TSPAN9: variants seen among roughly 807,000 people sequenced by gnomAD.
TSPAN9 encodes the protein tetraspanin 9.
Under a neutral mutation model 31.0 loss-of-function variants are expected in TSPAN9, and 16 were observed. The ratio of observed to expected loss-of-function variants is 0.52; its 90% CI spans 0.35 to 0.78. TSPAN9 has a LOEUF of 0.78. Among genes scored for constraint, TSPAN9 ranks in the 30% least tolerant of loss-of-function variants. TSPAN9 has a pLI of 0.01. For missense variants in TSPAN9, 272 were observed against 312.5 expected, an observed-to-expected ratio of 0.87 and a Z score of 0.98; for synonymous variants, 145 against 121.6, an observed-to-expected ratio of 1.19 and a Z score of -1.27.
intron 2 of TSPAN9, among the ~76,000 whole-genome samples, chr12:3,160,401 A>G (rs898724795): frequency 3.9e-5 from 6 of 152,254 alleles, no homozygotes; most frequent in Admixed American, 1.3e-4. Flanking sequence ...TAATGCTGCA[A>G]TGAACATTTG....
intron 2 of TSPAN9, among the ~76,000 whole-genome samples, chr12:3,157,987 C>T (rs1398654813): frequency 2.0e-5 from 3 of 152,180 alleles, no homozygotes; most frequent in African/African-American, 7.2e-5. Context: ...CTTTTCCACC[C>T]CTCCCTTTAT....
At chr12:3,220,995 T>TGGAGACTC (rs1363386930) in intron 3 of TSPAN9, among the ~76,000 whole-genome samples, 2 of 152,118 alleles carry the variant, frequency 1.3e-5, no homozygotes, top group Non-Finnish European at 1.5e-5. Context: ...GCTCGGTGAC[T>TGGAGACTC]GGAGAGCCCT....
intron 3 of TSPAN9, among the ~76,000 whole-genome samples, chr12:3,213,155 AG>A (rs983536987): frequency 6.6e-6 from 1 of 152,218 alleles, no homozygotes; most frequent in Non-Finnish European, 1.5e-5. Flanking sequence ...AGGGCATTAA[AG>A]AACGCCAGGT....
At chr12:3,119,043 A>G (rs911754736) in intron 2 of TSPAN9, among the ~76,000 whole-genome samples, 1 of 152,200 alleles carries the variant, frequency 6.6e-6, no homozygotes, top group African/African-American at 2.4e-5. Flanking sequence ...CTATCAGCAG[A>G]TGCAACCCCT....
chr12:3,081,808 T>TTA (rs1565568307), intron 1 of TSPAN9, among the ~76,000 whole-genome samples: 9 of 58,412 alleles, frequency 1.5e-4, no homozygotes, highest in African/African-American at 2.5e-4. Flanking sequence ...ATCTAAAAAA[T>TTA]TGTGTGTGTG....
intron 3 of TSPAN9, 111 bp from the exon 4 acceptor site, chr12:3,278,310 G>A: frequency 6.8e-7 from 1 of 1,459,942 alleles, no homozygotes; most frequent in Non-Finnish European, 9.3e-7. Context: ...CACCTTGTCG[G>A]TTCTCACTTT....
At chr12:3,109,293 TGTGTGTGAGAGAGA>T (rs1331753280) in intron 2 of TSPAN9, among the ~76,000 whole-genome samples, 1 of 117,092 alleles carries the variant, frequency 8.5e-6, no homozygotes, top group East Asian at 2.2e-4. Flanking sequence ...TGTGTGTGTG[TGTGTGTGAGAGAGA>T]GTGTGTGTGT....
chr12:3,116,021 A>G (rs1000218870), intron 2 of TSPAN9, among the ~76,000 whole-genome samples: 2 of 152,176 alleles, frequency 1.3e-5, no homozygotes, highest in Non-Finnish European at 2.9e-5. Context: ...TCTTAAGCGG[A>G]CACATTTCTG....
At chr12:3,105,816 A>G (rs568920510) in intron 2 of TSPAN9, among the ~76,000 whole-genome samples, 1 of 149,780 alleles carries the variant, frequency 6.7e-6, no homozygotes, top group Non-Finnish European at 1.5e-5. Context: ...GCACACACGC[A>G]CACGCGCACA....
chr12:3,237,255 A>C (rs951666737), intron 3 of TSPAN9, among the ~76,000 whole-genome samples: 1 of 152,134 alleles, frequency 6.6e-6, no homozygotes, highest in Non-Finnish European at 1.5e-5. Context: ...CAGCGGCTCT[A>C]TAGGAAGCCC....
chr12:3,253,492 T>C (rs1283626250), intron 3 of TSPAN9, among the ~76,000 whole-genome samples: 1 of 151,832 alleles, frequency 6.6e-6, no homozygotes, highest in Non-Finnish European at 1.5e-5. Flanking sequence ...GAGGATGCAG[T>C]GAGATAGTTG....
At chr12:3,111,261 C>T (rs1359989093) in intron 2 of TSPAN9, among the ~76,000 whole-genome samples, 4 of 152,210 alleles carry the variant, frequency 2.6e-5, no homozygotes, top group African/African-American at 9.7e-5. Context: ...TAACACTTCT[C>T]AGCTGCTCCA....
intron 3 of TSPAN9, among the ~76,000 whole-genome samples, chr12:3,276,296 T>C (rs1862785316): frequency 6.6e-6 from 1 of 152,214 alleles, no homozygotes; most frequent in South Asian, 2.1e-4. Context: ...AGTGAGATCA[T>C]GTCACTCTCC....
chr12:3,131,248 T>C (rs1270525550), intron 2 of TSPAN9, among the ~76,000 whole-genome samples: 1 of 108,718 alleles, frequency 9.2e-6, no homozygotes, highest in East Asian at 2.7e-4. Context: ...AATTGCAGTT[T>C]TTACCCAGGC....
chr12:3,264,086 G>C (rs1862500145), intron 3 of TSPAN9, among the ~76,000 whole-genome samples: 1 of 152,174 alleles, frequency 6.6e-6, no homozygotes, highest in African/African-American at 2.4e-5. Flanking sequence ...CAGAGCACTT[G>C]GGACCGTTAC....
intron 2 of TSPAN9, among the ~76,000 whole-genome samples, chr12:3,190,748 T>C (rs552074005): frequency 8.5e-5 from 13 of 152,340 alleles, no homozygotes; most frequent in African/African-American, 2.9e-4. Flanking sequence ...TAACTCTTTT[T>C]GTAAAGCTTG....
chr12:3,126,957 A>G (rs974988342), intron 2 of TSPAN9, among the ~76,000 whole-genome samples: 7 of 152,120 alleles, frequency 4.6e-5, no homozygotes, highest in Non-Finnish European at 1.0e-4. Context: ...GAAGCAAAAA[A>G]AATTCATGGA....
chr12:3,201,059 G>A (rs1185358191), intron 2 of TSPAN9, 118 bp from the exon 3 acceptor site: 9 of 935,230 alleles, frequency 9.6e-6, no homozygotes, highest in South Asian at 1.6e-5. Context: ...CTACGGCACC[G>A]CGGGCTCCCG....
chr12:3,193,335 C>G (rs2098365441), intron 2 of TSPAN9, among the ~76,000 whole-genome samples: 2 of 152,332 alleles, frequency 1.3e-5, no homozygotes, highest in Admixed American at 1.3e-4. Flanking sequence ...TGACAATCCA[C>G]ACCACCTGCC....
Sources: gnomAD v4.1 joint callset for allele counts (sites outside exome capture counted in the v4.1 genomes callset) on GRCh38, gnomAD v4.1.1 for gene constraint, MANE v1.5 for transcripts, NCBI Gene and HGNC (gene_info 2026-07-23, HGNC 2026-07-21) for gene names.